TMPRSS15: variants seen among roughly 807,000 people sequenced by gnomAD.
The protein encoded by TMPRSS15 is transmembrane serine protease 15, also known as enteropeptidase.
A neutral mutation model predicts 125.3 loss-of-function variants in TMPRSS15; 128 were observed. That is an observed-to-expected ratio of 1.02 (90% CI 0.89 to 1.18). The LOEUF is 1.18. Among genes scored for constraint, TMPRSS15 ranks in the 50% most tolerant of loss-of-function variants. TMPRSS15 has a pLI of 0.00. For missense variants in TMPRSS15, 1,283 were observed against 1,212.7 expected (o/e 1.06, Z -0.86); for synonymous variants, 446 against 423.2 (o/e 1.05, Z -0.66).
chr21:18,368,455 A>T (rs1342281286), intron 6 of TMPRSS15, among the ~76,000 whole-genome samples: 1 of 152,192 alleles, frequency 6.6e-6, no homozygotes, highest in Non-Finnish European at 1.5e-5. Flanking sequence ...ATGGTTTCTG[A>T]ACATATCTGT....
intron 1 of TMPRSS15, among the ~76,000 whole-genome samples, chr21:18,437,537 C>A (rs2076230635): frequency 6.6e-6 from 1 of 152,076 alleles, no homozygotes; most frequent in Non-Finnish European, 1.5e-5. Flanking sequence ...AGTGAACAGG[C>A]AACCTACAAA....
rs1489329874 is a variant in TMPRSS15 at position 18,356,761 on chromosome 21, A to G, written c.881-2898T>C. On this transcript the variant is annotated intron_variant, in intron 8 of 24. Coordinates refer to ENST00000284885, the MANE Select transcript of TMPRSS15 (RefSeq NM_002772.3). ...TTGAAAATGCTTTACTTTGAATAAT[A>G]TTTGCCTATATTGTTTAATTCCATA... 2.0e-5 allele frequency among the ~76,000 whole-genome samples: 3 copies of G among 151,836 alleles called. No individual in the cohort carries two copies. In the East Asian group the frequency reaches 5.8e-4, roughly 29 times the overall value.
chr21:18,303,745 T>C (rs2075000012), intron 18 of TMPRSS15, among the ~76,000 whole-genome samples: 1 of 152,204 alleles, frequency 6.6e-6, no homozygotes, highest in Admixed American at 6.5e-5. Context: ...TGATTTGTAA[T>C]TGTGCCAAAA....
At chr21:18,343,826 T>C in intron 11 of TMPRSS15, 129 bp downstream of exon 11, 1 of 1,149,596 alleles carries the variant, frequency 8.7e-7, no homozygotes, top group Non-Finnish European at 1.3e-6. Flanking sequence ...TGCTTATCAG[T>C]TGGGAAAAGT....
intron 3 of TMPRSS15, among the ~76,000 whole-genome samples, chr21:18,394,543 C>CTG (rs2076017148): frequency 6.6e-6 from 1 of 151,906 alleles, no homozygotes; most frequent in Admixed American, 6.6e-5. Context: ...GTCTCTCTCT[C>CTG]TCTCTCTCTG....
chr21:18,365,476 CTCTT>C (rs917923824), intron 6 of TMPRSS15, among the ~76,000 whole-genome samples: 2 of 150,712 alleles, frequency 1.3e-5, no homozygotes, highest in African/African-American at 4.9e-5. Flanking sequence ...CTCTCTTTCT[CTCTT>C]TCTTTCTCCT....
At chr21:18,449,733 T>C (rs909943862) in intron 1 of TMPRSS15, among the ~76,000 whole-genome samples, 1 of 152,002 alleles carries the variant, frequency 6.6e-6, no homozygotes, top group Non-Finnish European at 1.5e-5. Context: ...GTGAGTATCT[T>C]GGCAATGGAA....
chr21:18,332,227 G>T (rs964116481), intron 13 of TMPRSS15, 54 bp from the exon 14 acceptor site: 1 of 1,465,508 alleles, frequency 6.8e-7, no homozygotes, highest in Non-Finnish European at 9.6e-7. Flanking sequence ...ATTTCAGAGA[G>T]ATAATACCAT....
chr21:18,293,061 T>C (rs2074858046), intron 21 of TMPRSS15, among the ~76,000 whole-genome samples: 1 of 152,126 alleles, frequency 6.6e-6, no homozygotes. Flanking sequence ...TGAGAGCTAG[T>C]TGAGGGTCCT....
intron 18 of TMPRSS15, among the ~76,000 whole-genome samples, chr21:18,300,997 T>G (rs1005132531): frequency 2.0e-5 from 3 of 152,192 alleles, no homozygotes; most frequent in Non-Finnish European, 2.9e-5. Context: ...TTTTCTGAGA[T>G]GATCTTTTCA....
intron 13 of TMPRSS15, among the ~76,000 whole-genome samples, chr21:18,340,933 CAT>C (rs1258650155): frequency 2.6e-5 from 4 of 152,118 alleles, no homozygotes; most frequent in East Asian, 3.8e-4. Flanking sequence ...TTATGTGTAA[CAT>C]GTAATATTTT....
At chr21:18,271,697 C>CTAT (rs1300612751) in intron 24 of TMPRSS15, among the ~76,000 whole-genome samples, 8 of 151,970 alleles carry the variant, frequency 5.3e-5, no homozygotes, top group Non-Finnish European at 1.0e-4. Context: ...TTTGCTGAAC[C>CTAT]TATTGACCCG....
intron 1 of TMPRSS15, among the ~76,000 whole-genome samples, chr21:18,466,857 C>A (rs986368032): frequency 1.3e-5 from 2 of 152,162 alleles, no homozygotes; most frequent in African/African-American, 4.8e-5. Context: ...CTGGAGATTC[C>A]TCTAGGATCT....
At chr21:18,433,475 T>C (rs1201275402) in intron 1 of TMPRSS15, among the ~76,000 whole-genome samples, 3 of 151,878 alleles carry the variant, frequency 2.0e-5, no homozygotes, top group African/African-American at 7.3e-5. Context: ...GGCAGATTGC[T>C]TGAGCCCAGG....
chr21:18,409,476 T>C (rs1283794753), intron 1 of TMPRSS15, among the ~76,000 whole-genome samples: 1 of 152,078 alleles, frequency 6.6e-6, no homozygotes, highest in African/African-American at 2.4e-5. Context: ...GGATGAATTA[T>C]CTTAGTCATT....
At chr21:18,472,225 A>T (rs2824840) in intron 1 of TMPRSS15, among the ~76,000 whole-genome samples, 69,721 of 150,864 alleles carry the variant, frequency 0.46, 16,887 homozygotes, top group East Asian at 0.88. Context: ...CTAAAAAGAA[A>T]TTTTTTTTTG....
intron 6 of TMPRSS15, among the ~76,000 whole-genome samples, chr21:18,366,034 C>T (rs1354788194): frequency 6.6e-6 from 1 of 152,018 alleles, no homozygotes; most frequent in Non-Finnish European, 1.5e-5. Flanking sequence ...TGCGCCATGC[C>T]CAAAAGCATT....
At chr21:18,454,815 A>G (rs554663938) in intron 1 of TMPRSS15, among the ~76,000 whole-genome samples, 1 of 152,166 alleles carries the variant, frequency 6.6e-6, no homozygotes, top group Non-Finnish European at 1.5e-5. Flanking sequence ...TTCAAAAGCT[A>G]ATCTATTCCA....
intron 1 of TMPRSS15, among the ~76,000 whole-genome samples, chr21:18,440,246 G>A (rs546318250): frequency 6.0e-5 from 9 of 150,768 alleles, no homozygotes; most frequent in Non-Finnish European, 1.0e-4. Flanking sequence ...GGTGGCGCGC[G>A]CCTGTAGTCC....
Sources: allele counts gnomAD v4.1 joint callset (sites outside exome capture counted in the v4.1 genomes callset), GRCh38; gene constraint gnomAD v4.1.1; transcripts MANE v1.5; gene names NCBI Gene and HGNC (gene_info 2026-07-23, HGNC 2026-07-21).